CPQ: variants seen among roughly 807,000 people sequenced by gnomAD.
CPQ encodes the protein carboxypeptidase Q.
Under a neutral mutation model 45.7 loss-of-function variants are expected in CPQ, and 37 were observed. The ratio of observed to expected loss-of-function variants is 0.81; its 90% CI spans 0.62 to 1.07. The LOEUF is 1.07. Among genes scored for constraint, CPQ ranks in the 50% least tolerant of loss-of-function variants. The pLI, the probability that CPQ is intolerant of heterozygous loss-of-function variation, is 0.00. For missense variants in CPQ, 537 were observed against 572.9 expected (o/e 0.94, Z 0.64); for synonymous variants, 186 against 205.8 (o/e 0.90, Z 0.82).
chr8:96,658,464 GT>G (rs1815662164), intron 1 of CPQ, among the ~76,000 whole-genome samples: 1 of 152,204 alleles, frequency 6.6e-6, no homozygotes, highest in Non-Finnish European at 1.5e-5. Context: ...AATTATAACT[GT>G]CTGCAGTGGG....
At chr8:96,696,008 A>G (rs1335032312) in intron 1 of CPQ, among the ~76,000 whole-genome samples, 1 of 150,936 alleles carries the variant, frequency 6.6e-6, no homozygotes, top group Non-Finnish European at 1.5e-5. Flanking sequence ...TTATTGTGGC[A>G]TTATTCACAA....
intron 1 of CPQ, among the ~76,000 whole-genome samples, chr8:96,677,495 C>T (rs111235760): frequency 0.024 from 3,686 of 151,304 alleles, 165 homozygotes; most frequent in African/African-American, 0.085. Context: ...GTCTATATGT[C>T]CTTTGTGCAC....
At chr8:96,913,203 G>A (rs1812691428) in intron 4 of CPQ, among the ~76,000 whole-genome samples, 2 of 152,230 alleles carry the variant, frequency 1.3e-5, no homozygotes, top group Non-Finnish European at 2.9e-5. Flanking sequence ...CATGTATATA[G>A]CTCCAGATGT....
intron 5 of CPQ, among the ~76,000 whole-genome samples, chr8:97,022,669 C>T (rs1167113682): frequency 6.6e-6 from 1 of 151,990 alleles, no homozygotes; most frequent in African/African-American, 2.4e-5. Context: ...CAAATCAAAA[C>T]CACAATGCGA....
intron 5 of CPQ, among the ~76,000 whole-genome samples, chr8:97,026,737 T>A (rs1809805981): frequency 6.6e-6 from 1 of 152,170 alleles, no homozygotes; most frequent in South Asian, 2.1e-4. Flanking sequence ...AACTATGCTG[T>A]TGTTGTGTTG....
chr8:96,696,906 G>A (rs905198554), intron 1 of CPQ, among the ~76,000 whole-genome samples: 17 of 152,168 alleles, frequency 1.1e-4, no homozygotes, highest in African/African-American at 3.9e-4. Context: ...CCTGGGACTT[G>A]ATGGTTCCAT....
intron 3 of CPQ, among the ~76,000 whole-genome samples, chr8:96,837,267 T>C (rs914818776): frequency 4.6e-5 from 7 of 152,242 alleles, no homozygotes; most frequent in African/African-American, 1.7e-4. Context: ...GTATTCTATA[T>C]TCCTACCTCT....
intron 5 of CPQ, among the ~76,000 whole-genome samples, chr8:96,985,986 G>A (rs902610704): frequency 1.3e-5 from 2 of 152,110 alleles, no homozygotes; most frequent in East Asian, 1.9e-4. Context: ...AGTCCCTTTC[G>A]TGATCATAGG....
intron 1 of CPQ, among the ~76,000 whole-genome samples, chr8:96,703,267 G>T (rs955078227): frequency 6.6e-6 from 1 of 152,150 alleles, no homozygotes; most frequent in Non-Finnish European, 1.5e-5. Flanking sequence ...AATATGTCTT[G>T]CCACCTAAGT....
intron 6 of CPQ, among the ~76,000 whole-genome samples, chr8:97,056,101 AACACACACAC>A (rs34266303): frequency 2.7e-5 from 4 of 146,338 alleles, no homozygotes; most frequent in East Asian, 2.0e-4. Context: ...CCTATCTCAA[AACACACACAC>A]ACACACACAC....
At chr8:97,071,166 G>C (rs1307617736) in intron 7 of CPQ, among the ~76,000 whole-genome samples, 1 of 152,126 alleles carries the variant, frequency 6.6e-6, no homozygotes, top group Non-Finnish European at 1.5e-5. Flanking sequence ...GGAGTTAGAG[G>C]ACTTGAGTGT....
At chr8:96,713,188 C>A (rs112698275) in intron 1 of CPQ, among the ~76,000 whole-genome samples, 2 of 152,152 alleles carry the variant, frequency 1.3e-5, no homozygotes, top group Non-Finnish European at 2.9e-5. Context: ...TTCCAAACTT[C>A]TCCACATCTT....
At position 97,082,768 on chromosome 8, in the gene CPQ, C is replaced by G. The variant is rs529500844; in HGVS notation, c.1255+16558C>G. The stretch of plus-strand genomic sequence containing the variant: ...CCCAGCAATCTGCATTATTGAATAC[C>G]TGAAGTGTTCTGTCCTCCCACTCCC... On this transcript the variant is annotated intron_variant, in intron 7 of 7. Transcript: ENST00000220763. Among the ~76,000 whole-genome samples the G allele has an allele frequency of 4.6e-5, 7 of 152,248 alleles. No homozygotes were observed. The South Asian group carries it at 1.5e-3, about 32-fold the overall frequency.
intron 6 of CPQ, among the ~76,000 whole-genome samples, chr8:97,033,713 C>A (rs901589434): frequency 6.6e-6 from 1 of 151,176 alleles, no homozygotes; most frequent in East Asian, 1.9e-4. Context: ...AAAAACAATA[C>A]GTAGATTATT....
At chr8:96,884,838 G>C (rs1812278189) in intron 4 of CPQ, among the ~76,000 whole-genome samples, 1 of 152,134 alleles carries the variant, frequency 6.6e-6, no homozygotes. Flanking sequence ...ACTTCTGCCT[G>C]ACACAACCTT....
At chr8:97,038,971 T>C (rs1810057218) in intron 6 of CPQ, among the ~76,000 whole-genome samples, 1 of 152,184 alleles carries the variant, frequency 6.6e-6, no homozygotes, top group Non-Finnish European at 1.5e-5. Flanking sequence ...GTGAAAGAGA[T>C]TTGTAGCACA....
intron 1 of CPQ, among the ~76,000 whole-genome samples, chr8:96,650,797 A>C (rs1223605388): frequency 6.6e-6 from 1 of 152,248 alleles, no homozygotes; most frequent in Non-Finnish European, 1.5e-5. Context: ...AGGGATGTTC[A>C]TGAAGAGTTG....
intron 3 of CPQ, among the ~76,000 whole-genome samples, chr8:96,858,571 C>A (rs910522446): frequency 6.6e-6 from 1 of 152,122 alleles, no homozygotes; most frequent in African/African-American, 2.4e-5. Flanking sequence ...CAGAGGTCTC[C>A]CATTTGCTTC....
intron 2 of CPQ, among the ~76,000 whole-genome samples, chr8:96,792,706 G>T (rs1810866106): frequency 6.6e-6 from 1 of 152,116 alleles, no homozygotes; most frequent in Non-Finnish European, 1.5e-5. Flanking sequence ...ATTTATTTGA[G>T]AAACAGTGGA....
Sources: allele counts gnomAD v4.1 joint callset (sites outside exome capture counted in the v4.1 genomes callset), GRCh38; gene constraint gnomAD v4.1.1; transcripts MANE v1.5; gene names NCBI Gene and HGNC (gene_info 2026-07-23, HGNC 2026-07-21).